Variants in BBOF1 observed in about 807,000 individuals in gnomAD.
BBOF1 encodes basal body-orientation factor 1.
In BBOF1, 62 loss-of-function variants were observed where a neutral mutation model predicts 68.0. The observed-to-expected ratio is 0.91, with a 90% CI of 0.74 to 1.13. The LOEUF is 1.13. Among genes scored for constraint, BBOF1 ranks in the 50% most tolerant of loss-of-function variants. The pLI, the probability that BBOF1 is intolerant of heterozygous loss-of-function variation, is 0.00. For synonymous variants in BBOF1, 208 were observed against 198.8 expected, an observed-to-expected ratio of 1.05 and a Z score of -0.39; for missense variants, 534 against 600.1, an observed-to-expected ratio of 0.89 and a Z score of 1.15.
chr14:74,042,758 T>C (rs2059850598), intron 5 of BBOF1, among the ~76,000 whole-genome samples: 1 of 152,040 alleles, frequency 6.6e-6, no homozygotes. Context: ...CAGTGAGCCA[T>C]GATTGTGTCA....
chr14:74,066,158 T>C (rs1566829391), downstream of BBOF1: 1 of 163,190 alleles, frequency 6.1e-6, no homozygotes, highest in African/African-American at 2.4e-5. Flanking sequence ...GCAGTAGCCA[T>C]AAGCTAGGCA....
intron 8 of BBOF1, among the ~76,000 whole-genome samples, chr14:74,051,385 C>A (rs868234108): frequency 1.3e-5 from 2 of 151,630 alleles, no homozygotes; most frequent in African/African-American, 4.9e-5. Flanking sequence ...TGCACTCCAG[C>A]CTGGGCAACA....
chr14:74,043,905 T>C (rs114980196), intron 5 of BBOF1, among the ~76,000 whole-genome samples: 2,834 of 152,158 alleles, frequency 0.019, 56 homozygotes, highest in African/African-American at 0.051. Context: ...ATCATTCTTA[T>C]TTAGAGCTCA....
At chr14:74,035,381 T>C (rs2059671178) in intron 4 of BBOF1, among the ~76,000 whole-genome samples, 2 of 150,540 alleles carry the variant, frequency 1.3e-5, no homozygotes, top group African/African-American at 2.4e-5. Flanking sequence ...TTGGTGCTGG[T>C]GATTAGTGGG....
At chr14:74,079,444 C>CT (rs1480308995) in intron 10 of BBOF1, among the ~76,000 whole-genome samples, 1 of 111,388 alleles carries the variant, frequency 9.0e-6, no homozygotes, top group Non-Finnish European at 1.9e-5. Context: ...TTTTTTTTTT[C>CT]TTTTTTTGAG....
intron 8 of BBOF1, among the ~76,000 whole-genome samples, chr14:74,051,625 G>T (rs1219332959): frequency 6.6e-6 from 1 of 151,744 alleles, no homozygotes; most frequent in Non-Finnish European, 1.5e-5. Context: ...ATTACATAAT[G>T]ATTAACTTTG....
chr14:74,067,439 T>TC (rs763348517), downstream of BBOF1: 1 of 1,614,108 alleles, frequency 6.2e-7, no homozygotes, highest in South Asian at 1.1e-5. Flanking sequence ...CTTCTTGGCT[T>TC]CTCCCACAAG....
In BBOF1 at chr14:74,062,979, A is replaced by G. The variant is rs115290489; in HGVS notation, c.1579-1709A>G. On this transcript the variant is annotated intron_variant, in intron 11 of 11. Coordinates refer to ENST00000394009, the MANE Select transcript of BBOF1 (RefSeq NM_025057.3). The stretch of plus-strand genomic sequence containing the variant: ...TGTTCCAGGTACTGCAGATAAGTAG[A>G]TAACAACTACAGTCTGATGAGGGCT... Among the ~76,000 whole-genome samples, 955 of 152,276 alleles carry G rather than the reference A, an allele frequency of 6.3e-3. 14 individuals are homozygous for G. Among genetic ancestry groups the G allele is most frequent in the African/African-American group, 0.022 (919 of 41,556 alleles).
intron 9 of BBOF1, chr14:74,071,467 G>A: frequency 6.2e-7 from 1 of 1,614,090 alleles, no homozygotes; most frequent in Non-Finnish European, 8.5e-7. Flanking sequence ...CATCATGAGG[G>A]ATGTCACACT....
chr14:74,057,702 A>G (rs776162614), intron 11 of BBOF1: 51 of 1,256,716 alleles, frequency 4.1e-5, no homozygotes, highest in Non-Finnish European at 5.1e-5. Flanking sequence ...TTTGTTATTC[A>G]TAATTAGTAC....
At chr14:74,045,480 T>TTA in intron 5 of BBOF1, among the ~76,000 whole-genome samples, 1 of 152,156 alleles carries the variant, frequency 6.6e-6, no homozygotes, top group Admixed American at 6.5e-5. Context: ...GGGCTAATTT[T>TTA]GTATTTTTAG....
In BBOF1 at chr14:74,057,178, A is replaced by T; in HGVS notation, c.1498A>T (p.Thr500Ser). 1 of 1,613,570 alleles carries T rather than the reference A, an allele frequency of 6.2e-7. No homozygotes were observed. The highest frequency in any genetic ancestry group is 8.5e-7 in the Non-Finnish European group (1 of 1,179,596). The part of the protein sequence containing the change: ...ESKLQDKIFI[T>S]QQIAISDSSG... ...TAAGCTTCAAGATAAAATCTTCATC[A>T]CCCAGCAAATTGCAATATCAGACTC... Residue 500 changes from threonine (T) to serine (S), a missense_variant, in exon 11 of 12, where the codon ACC becomes TCC. Coordinates refer to ENST00000394009, the MANE Select transcript of BBOF1 (RefSeq NM_025057.3).
At chr14:74,034,902 C>A (rs142852061) in intron 4 of BBOF1, among the ~76,000 whole-genome samples, 158 of 152,128 alleles carry the variant, frequency 1.0e-3, no homozygotes, top group Non-Finnish European at 1.7e-3. Context: ...CTAGCCTAGG[C>A]AACATAGTGA....
chr14:74,048,020 A>G lies in BBOF1; in HGVS notation c.738A>G (p.Leu246=). ...LAYHLKETDA[L]QKNSQKLQES... ...ATCACCTGAAGGAAACTGACGCTCT[A>G]CAAAAAAACTCCCAGAAGTTGCAAG... Residue 246 remains leucine, a synonymous_variant, in exon 7 of 12, where the codon CTA becomes CTG. Transcript: ENST00000394009. The G allele has an allele frequency of 6.2e-7, 1 of 1,613,524 alleles. No homozygotes were observed. The highest frequency in any genetic ancestry group is 8.5e-7 in the Non-Finnish European group (1 of 1,179,738).
At chr14:74,080,365 TTTC>T (rs1437581081) in intron 10 of BBOF1, among the ~76,000 whole-genome samples, 3 of 109,520 alleles carry the variant, frequency 2.7e-5, no homozygotes, top group East Asian at 4.6e-4. Context: ...TGTTAAACTC[TTTC>T]TTTTTTTTTT....
intron 3 of BBOF1, among the ~76,000 whole-genome samples, chr14:74,031,404 C>CTGT (rs2059566080): frequency 6.6e-6 from 1 of 152,128 alleles, no homozygotes; most frequent in African/African-American, 2.4e-5. Context: ...TAGGCCACCA[C>CTGT]GCCTGGCATC....
At position 74,080,368 on chromosome 14, in the gene BBOF1, C is replaced by CTTT. The variant is rs35450547; in HGVS notation, n.1537-684_1537-682dup. ...CTCAGCCTCTAATGTTAAACTCTTT[C>CTTT]TTTTTTTTTTTTTTTTTGAGACAGA... On this transcript the variant is annotated intron_variant and non_coding_transcript_variant, in intron 10 of 12. Transcript: ENST00000492026. Among the ~76,000 whole-genome samples the CTTT allele has an allele frequency of 2.5e-3, 328 of 128,966 alleles. 8 individuals carry two copies. Among genetic ancestry groups the CTTT allele is most frequent in the Middle Eastern group, 8.5e-3 (2 of 234 alleles). The allele number at this position is 128,966 out of a possible 152,430, so 84.6% of individuals were successfully genotyped here.
At chr14:74,051,590 T>C (rs1483444897) in intron 8 of BBOF1, among the ~76,000 whole-genome samples, 2 of 151,808 alleles carry the variant, frequency 1.3e-5, no homozygotes, top group Admixed American at 6.6e-5. Flanking sequence ...GGTAACAGAA[T>C]GTTTGAGACA....
chr14:74,075,673 GTAAATA>G (rs2060604966), intron 9 of BBOF1, among the ~76,000 whole-genome samples: 3 of 151,556 alleles, frequency 2.0e-5, no homozygotes, highest in South Asian at 2.1e-4. Flanking sequence ...AAAAATCAAT[GTAAATA>G]TAAATATAAG....
Sources: allele counts gnomAD v4.1 joint callset (sites outside exome capture counted in the v4.1 genomes callset), GRCh38; gene constraint gnomAD v4.1.1; transcripts MANE v1.5; gene names NCBI Gene and HGNC (gene_info 2026-07-23, HGNC 2026-07-21).